Variants in SGCD observed in about 807,000 individuals in gnomAD.
The protein encoded by SGCD is sarcoglycan delta.
Under a neutral mutation model 36.6 loss-of-function variants are expected in SGCD, and 18 were observed. The observed-to-expected ratio is 0.49, with a 90% confidence interval of 0.34 to 0.73. The LOEUF (loss-of-function observed/expected upper bound fraction) is 0.73, where lower values mean the gene tolerates loss of function less well. Ranked by LOEUF, SGCD falls within the 30% of genes least tolerant of loss-of-function variation. The pLI is 0.01. For synonymous variants in SGCD, 133 were observed against 130.6 expected (o/e 1.02, Z -0.12); for missense variants, 387 against 346.7 (o/e 1.12, Z -0.92).
intron 3 of SGCD, among the ~76,000 whole-genome samples, chr5:156,240,934 C>T (rs1344978001): frequency 6.6e-6 from 1 of 152,148 alleles, no homozygotes; most frequent in East Asian, 1.9e-4. Flanking sequence ...GTATAATTTG[C>T]TCTCAGATGA....
chr5:156,558,545 A>G (rs1428943897), intron 4 of SGCD, among the ~76,000 whole-genome samples: 7 of 152,130 alleles, frequency 4.6e-5, no homozygotes, highest in Non-Finnish European at 1.0e-4. Context: ...TCAGACACTG[A>G]CTATACCACT....
chr5:156,567,407 T>G, intron 4 of SGCD, among the ~76,000 whole-genome samples: 1 of 147,628 alleles, frequency 6.8e-6, no homozygotes, highest in African/African-American at 2.5e-5. Context: ...GATAGATAGA[T>G]AGATAGATAG....
intron 1 of SGCD, among the ~76,000 whole-genome samples, chr5:156,085,452 C>T (rs571515279): frequency 6.6e-6 from 1 of 152,264 alleles, no homozygotes; most frequent in South Asian, 2.1e-4. Flanking sequence ...TGTGAAGTGC[C>T]TGCTCCCACT....
At chr5:156,031,519 G>T (rs1759348186) in intron 1 of SGCD, among the ~76,000 whole-genome samples, 1 of 152,130 alleles carries the variant, frequency 6.6e-6, no homozygotes, top group African/African-American at 2.4e-5. Context: ...ACTCTAGGAG[G>T]TTATTGTAAG....
intron 3 of SGCD, among the ~76,000 whole-genome samples, chr5:156,303,774 G>A (rs1402409481): frequency 6.6e-6 from 1 of 151,718 alleles, no homozygotes; most frequent in East Asian, 2.0e-4. Context: ...GCCTGGAATG[G>A]GGGCCTCTGG....
chr5:156,159,187 C>G (rs1469055838), intron 3 of SGCD, among the ~76,000 whole-genome samples: 1 of 151,434 alleles, frequency 6.6e-6, no homozygotes, highest in Non-Finnish European at 1.5e-5. Flanking sequence ...AACCAAAGAG[C>G]CTTAAAAAAT....
intron 3 of SGCD, among the ~76,000 whole-genome samples, chr5:156,190,495 A>G (rs1763863875): frequency 6.6e-6 from 1 of 152,232 alleles, no homozygotes; most frequent in East Asian, 1.9e-4. Flanking sequence ...TATGTAATTT[A>G]TTGACATCTA....
At chr5:156,720,483 C>G (rs1005766420) in intron 7 of SGCD, among the ~76,000 whole-genome samples, 1 of 152,168 alleles carries the variant, frequency 6.6e-6, no homozygotes, top group Non-Finnish European at 1.5e-5. Flanking sequence ...AGCACAGTAA[C>G]TGATGTATCT....
At chr5:156,106,546 G>A (rs1474444201) in intron 1 of SGCD, among the ~76,000 whole-genome samples, 6 of 152,162 alleles carry the variant, frequency 3.9e-5, no homozygotes, top group Non-Finnish European at 8.8e-5. Flanking sequence ...TGAATGAGTA[G>A]AAAATGGGGT....
intron 1 of SGCD, among the ~76,000 whole-genome samples, chr5:155,954,713 G>T (rs1232032507): frequency 6.6e-6 from 1 of 152,044 alleles, no homozygotes; most frequent in African/African-American, 2.4e-5. Context: ...CAGAGAAAGA[G>T]AACTAACAGG....
chr5:156,630,691 A>G (rs1762601238), intron 6 of SGCD, among the ~76,000 whole-genome samples: 1 of 152,216 alleles, frequency 6.6e-6, no homozygotes, highest in Admixed American at 6.5e-5. Flanking sequence ...GAAAATCCCT[A>G]TAAACTCTAA....
the SGCD span, among the ~76,000 whole-genome samples, chr5:155,823,853 A>G: frequency 6.6e-6 from 1 of 152,260 alleles, no homozygotes; most frequent in South Asian, 2.1e-4. Context: ...TCCTCCAGGG[A>G]TTTCAGAACT....
intron 3 of SGCD, among the ~76,000 whole-genome samples, chr5:156,302,836 A>T (rs1410479945): frequency 6.6e-6 from 1 of 152,102 alleles, no homozygotes; most frequent in Non-Finnish European, 1.5e-5. Context: ...CTCTCTTTTC[A>T]TGATGAGCTT....
chr5:156,505,190 G>C (rs1756644286), intron 3 of SGCD, among the ~76,000 whole-genome samples: 2 of 152,180 alleles, frequency 1.3e-5, no homozygotes, highest in African/African-American at 4.8e-5. Flanking sequence ...TTTGTTGCAG[G>C]TTCCACCTGC....
At chr5:156,000,661 C>T (rs1173889548) in intron 1 of SGCD, among the ~76,000 whole-genome samples, 1 of 152,090 alleles carries the variant, frequency 6.6e-6, no homozygotes, top group Non-Finnish European at 1.5e-5. Flanking sequence ...CTCCTTACCC[C>T]TGCCCCACCC....
At chr5:156,224,033 G>A (rs563697784) in intron 3 of SGCD, among the ~76,000 whole-genome samples, 14 of 151,818 alleles carry the variant, frequency 9.2e-5, no homozygotes, top group African/African-American at 3.1e-4. Flanking sequence ...TTACAAATTC[G>A]TGTTAACATA....
At chr5:155,835,984 G>A in the SGCD span, among the ~76,000 whole-genome samples, 17 of 152,216 alleles carry the variant, frequency 1.1e-4, no homozygotes, top group South Asian at 3.1e-3. Context: ...TATATATAGC[G>A]TTTAGTACTA....
At chr5:156,020,081 T>C (rs1759067417) in intron 1 of SGCD, among the ~76,000 whole-genome samples, 1 of 152,214 alleles carries the variant, frequency 6.6e-6, no homozygotes, top group Non-Finnish European at 1.5e-5. Context: ...AGATCGACTG[T>C]AAAACATTTC....
the SGCD span, among the ~76,000 whole-genome samples, chr5:155,789,915 G>A: frequency 6.6e-6 from 1 of 152,024 alleles, no homozygotes; most frequent in South Asian, 2.1e-4. Context: ...GTATCCCAGT[G>A]TATACTATCA....
Sources: allele counts gnomAD v4.1 joint callset (sites outside exome capture counted in the v4.1 genomes callset), GRCh38; gene constraint gnomAD v4.1.1; transcripts MANE v1.5; gene names NCBI Gene and HGNC (gene_info 2026-07-23, HGNC 2026-07-21).